Variants in TSHZ2 observed in about 807,000 individuals in gnomAD.
TSHZ2 encodes the protein teashirt zinc finger homeobox 2.
A neutral mutation model predicts 74.4 loss-of-function variants in TSHZ2; 21 were observed. The observed-to-expected ratio is 0.28, with a 90% CI of 0.20 to 0.41. The LOEUF (loss-of-function observed/expected upper bound fraction) is 0.41, where lower values mean the gene tolerates loss of function less well. Ranked by LOEUF, TSHZ2 falls within the 10% of genes least tolerant of loss-of-function variation. The pLI is 1.00. For missense variants in TSHZ2, 1,244 were observed against 1,293.5 expected (o/e 0.96, Z 0.59); for synonymous variants, 540 against 515.3 (o/e 1.05, Z -0.65).
chr20:53,184,044 C>T (rs1032687750), intron 1 of TSHZ2, among the ~76,000 whole-genome samples: 2 of 152,208 alleles, frequency 1.3e-5, no homozygotes, highest in Non-Finnish European at 2.9e-5. Context: ...AGTCAGTTCC[C>T]TCTCAGTCGC....
intron 1 of TSHZ2, among the ~76,000 whole-genome samples, chr20:53,097,264 T>C (rs1321361599): frequency 6.6e-6 from 1 of 152,170 alleles, no homozygotes; most frequent in Non-Finnish European, 1.5e-5. Flanking sequence ...AATAATTCTC[T>C]TGCTATGTTT....
At chr20:53,027,474 G>A (rs143318376) in intron 1 of TSHZ2, among the ~76,000 whole-genome samples, 2 of 152,272 alleles carry the variant, frequency 1.3e-5, no homozygotes, top group African/African-American at 4.8e-5. Context: ...CCCTGAGGCT[G>A]AAGTACCAGA....
chr20:53,171,875 A>G (rs2801007), intron 1 of TSHZ2, among the ~76,000 whole-genome samples: 64,913 of 151,976 alleles, frequency 0.43, 15,529 homozygotes, highest in African/African-American at 0.66. Context: ...ATCATTAATA[A>G]GAAAAGGGCT....
chr20:53,129,055 G>A (rs1600703971), intron 1 of TSHZ2, among the ~76,000 whole-genome samples: 1 of 152,148 alleles, frequency 6.6e-6, no homozygotes, highest in Non-Finnish European at 1.5e-5. Context: ...TAGCAATCTA[G>A]TAGGAGAATC....
chr20:53,010,967 AAC>A (rs775683025), intron 1 of TSHZ2, among the ~76,000 whole-genome samples: 22 of 152,242 alleles, frequency 1.4e-4, no homozygotes, highest in Non-Finnish European at 3.1e-4. Context: ...GCTATAATAA[AAC>A]AGTCATATTT....
chr20:53,105,561 C>T (rs1026160298), intron 1 of TSHZ2, among the ~76,000 whole-genome samples: 12 of 152,186 alleles, frequency 7.9e-5, no homozygotes, highest in Admixed American at 4.6e-4. Context: ...GATCTCATCT[C>T]CTTTAACCTC....
In TSHZ2 at chr20:53,217,253, C is replaced by T. The variant is rs562187928; in HGVS notation, c.41-36246C>T. 2.0e-5 allele frequency among the ~76,000 whole-genome samples: 3 copies of T among 152,292 alleles called. No homozygotes were observed. The South Asian group carries it at 6.2e-4, about 32-fold the overall frequency. On this transcript the variant is annotated intron_variant, in intron 1 of 2. Transcript: ENST00000371497. ...GCTTGGCCGATGCCAGCACCTGCAG[C>T]CTTTCGTACCAGCGCCCTCTGCTGG... is the stretch of plus-strand genomic sequence containing the variant.
intron 1 of TSHZ2, among the ~76,000 whole-genome samples, chr20:53,099,853 AG>A (rs1986166598): frequency 6.6e-6 from 1 of 152,240 alleles, no homozygotes; most frequent in Admixed American, 6.5e-5. Flanking sequence ...ACAATTCAAG[AG>A]GAGATTTGGG....
chr20:53,241,194 T>C (rs1401416891), intron 1 of TSHZ2, among the ~76,000 whole-genome samples: 22 of 152,188 alleles, frequency 1.4e-4, no homozygotes, highest in Admixed American at 1.4e-3. Flanking sequence ...AGTTTTCCAT[T>C]AGATTCTCCA....
chr20:53,101,628 T>C (rs1986221594), intron 1 of TSHZ2, among the ~76,000 whole-genome samples: 1 of 152,246 alleles, frequency 6.6e-6, no homozygotes, highest in Admixed American at 6.5e-5. Flanking sequence ...CACATCTCAA[T>C]TGGCTTTCTT....
intron 1 of TSHZ2, among the ~76,000 whole-genome samples, chr20:53,112,411 G>A (rs1986558303): frequency 6.6e-6 from 1 of 152,174 alleles, no homozygotes; most frequent in Admixed American, 6.5e-5. Flanking sequence ...TTGACTGGAA[G>A]GACATATATC....
intron 1 of TSHZ2, among the ~76,000 whole-genome samples, chr20:53,076,325 C>A (rs1377450109): frequency 6.6e-6 from 1 of 152,154 alleles, no homozygotes; most frequent in African/African-American, 2.4e-5. Flanking sequence ...AATTTGCTGG[C>A]AAACTGCACA....
chr20:53,166,495 G>A (rs1394779307), intron 1 of TSHZ2, among the ~76,000 whole-genome samples: 1 of 152,176 alleles, frequency 6.6e-6, no homozygotes, highest in African/African-American at 2.4e-5. Context: ...ATTAGGCCAG[G>A]AGTGGTGGCT....
At chr20:53,068,353 C>T (rs1236989664) in intron 1 of TSHZ2, among the ~76,000 whole-genome samples, 1 of 152,088 alleles carries the variant, frequency 6.6e-6, no homozygotes, top group Non-Finnish European at 1.5e-5. Context: ...TTGTCCTTCT[C>T]ATAATACTTT....
At chr20:53,155,052 A>ATTTTTTTTTTTTTTTTT (rs11475183) in intron 1 of TSHZ2, among the ~76,000 whole-genome samples, 1 of 118,100 alleles carries the variant, frequency 8.5e-6, no homozygotes, top group African/African-American at 3.3e-5. Flanking sequence ...TTGAATATGC[A>ATTTTTTTTTTTTTTTTT]TTTTTTTTTT....
intron 1 of TSHZ2, among the ~76,000 whole-genome samples, chr20:53,191,381 G>A (rs115482693): frequency 0.01 from 1,559 of 152,260 alleles, 25 homozygotes; most frequent in African/African-American, 0.036. Context: ...TTAAACTACT[G>A]GCCAGGTGTG....
At chr20:53,327,328 A>G (rs1471622116) in intron 2 of TSHZ2, among the ~76,000 whole-genome samples, 2 of 152,152 alleles carry the variant, frequency 1.3e-5, no homozygotes, top group Admixed American at 1.3e-4. Flanking sequence ...TAACTCTATT[A>G]TTTACTAGAA....
At chr20:53,258,792 T>G (rs1024245812) in intron 2 of TSHZ2, among the ~76,000 whole-genome samples, 1 of 152,236 alleles carries the variant, frequency 6.6e-6, no homozygotes, top group Non-Finnish European at 1.5e-5. Context: ...ATTGGTGTTT[T>G]CATTATACAA....
chr20:53,291,693 G>C (rs549574859), intron 2 of TSHZ2, among the ~76,000 whole-genome samples: 1 of 152,214 alleles, frequency 6.6e-6, no homozygotes, highest in African/African-American at 2.4e-5. Context: ...TGCACTGGCT[G>C]TGCTGGACGT....
Sources: allele counts gnomAD v4.1 joint callset (sites outside exome capture counted in the v4.1 genomes callset), GRCh38; gene constraint gnomAD v4.1.1; transcripts MANE v1.5; gene names NCBI Gene and HGNC (gene_info 2026-07-23, HGNC 2026-07-21).